RSRP1: variants seen among roughly 807,000 people sequenced by gnomAD.
RSRP1 encodes arginine/serine-rich protein 1.
RSRP1 carries 37 observed loss-of-function variants against 33.0 expected under a neutral mutation model. That is an observed-to-expected ratio of 1.12 (90% CI 0.86 to 1.48). The LOEUF (loss-of-function observed/expected upper bound fraction) is 1.48. RSRP1 is among the 40% of genes most tolerant of loss of function. RSRP1 has a pLI of 0.00. For synonymous variants in RSRP1, 167 were observed against 158.7 expected, an observed-to-expected ratio of 1.05 and a Z score of -0.40; for missense variants, 402 against 385.3, an observed-to-expected ratio of 1.04 and a Z score of -0.36.
rs1394965802 is a variant in RSRP1 at position 25,307,657 on chromosome 1, T to G, written c.-67+30321A>C. 2.4e-6 allele frequency: 3 copies of G among 1,263,884 alleles called. No homozygotes were observed. In the South Asian group the frequency reaches 3.9e-5, roughly 16 times the overall value. 78.3% of individuals were successfully genotyped at this position (1,263,884 alleles called of 1,614,324 possible). A position where few individuals can be genotyped will look rare whatever the true frequency, so the allele number is the denominator to read the frequency against. ...AGTTATCTGCCCAAGGTCACTCGGC[T>G]GGAACCTGGCTGTAAAAATGGCTGA... On this transcript the variant is annotated intron_variant, in intron 1 of 1. Coordinates refer to the RSRP1 transcript ENST00000561867.
intron 1 of RSRP1, chr1:25,301,697 C>A (rs200866363): frequency 1.5e-6 from 2 of 1,377,042 alleles, no homozygotes; most frequent in South Asian, 2.4e-5. Context: ...GTGAGCAGGG[C>A]GCTGCCCTTG....
intron 1 of RSRP1, among the ~76,000 whole-genome samples, chr1:25,315,501 C>CT (rs1189263980): frequency 0.051 from 5,816 of 114,094 alleles, 996 homozygotes; most frequent in African/African-American, 0.15. Context: ...TTCTTTCTTT[C>CT]TTTTTTTTTT....
rs752416109 is a variant in RSRP1, at chr1:25,246,501, T to A, written c.463A>T (p.Arg155Trp). 1.2e-5 allele frequency: 19 copies of A among 1,614,096 alleles called. No individual in the cohort carries two copies. In the East Asian group the frequency reaches 4.2e-4, roughly 36 times the overall value. ...CGCGACCTCGTCCTGGATCTGTCCC[T>A]CCATCTGCTGTGCTCCTCCGGGTAC... ...TVYPEEHSRW[R>W]DRSRTRSRSR... Residue 155 changes from arginine (R) to tryptophan (W), a missense_variant, in exon 2 of 5, where the codon AGG (arginine) becomes TGG (tryptophan). By Grantham distance (101) the Arg-to-Trp change is moderately radical. Transcript: ENST00000243189.
chr1:25,299,296 C>T lies in RSRP1; in HGVS notation c.-67+38682G>A, dbSNP rs181091305. Among the ~76,000 whole-genome samples the T allele has an allele frequency of 2.3e-5, 3 of 130,168 alleles. 1 individual carries two copies. The highest frequency in any genetic ancestry group is 5.4e-5 in the Non-Finnish European group (3 of 55,370). 85.4% of individuals were successfully genotyped at this position (130,168 alleles called of 152,430 possible). ...ACTTGGGAGGCTGAAGCAGGAGAAT[C>T]GCTTGAACCCAACGGGTGGAGGTTG... is the stretch of plus-strand genomic sequence containing the variant. On this transcript the variant is annotated intron_variant, in intron 1 of 1. Transcript: ENST00000561867.
chr1:25,312,069 G>C (rs2124037064), intron 1 of RSRP1, among the ~76,000 whole-genome samples: 1 of 102,936 alleles, frequency 9.7e-6, no homozygotes, highest in African/African-American at 3.4e-5. Flanking sequence ...TGCAACATGG[G>C]CAGAACCCAG....
upstream of RSRP1, among the ~76,000 whole-genome samples, chr1:25,248,557 G>A (rs898978313): frequency 3.3e-5 from 5 of 152,040 alleles, no homozygotes; most frequent in African/African-American, 9.7e-5. Context: ...CGATTCTTCC[G>A]CCTCAGCCTC....
In RSRP1 at chr1:25,268,583, A is replaced by T. The variant is rs989610320; in HGVS notation, c.-66-21554T>A. Among the ~76,000 whole-genome samples, 2 of 131,540 alleles carry T rather than the reference A, an allele frequency of 1.5e-5. 1 individual carries two copies. The highest frequency in any genetic ancestry group is 3.6e-5 in the Non-Finnish European group (2 of 55,592). 86.3% of individuals were successfully genotyped at this position (131,540 alleles called of 152,430 possible). A position where few individuals can be genotyped will look rare whatever the true frequency, so the allele number is the denominator to read the frequency against. ...AGATGCTAGTAAGTGCTGTGAAGGAAACTAAAAGGGGAACACAAGGAACCC... is the reference window on the plus strand; with the variant it reads ...AGATGCTAGTAAGTGCTGTGAAGGATACTAAAAGGGGAACACAAGGAACCC... On this transcript the variant is annotated intron_variant, in intron 1 of 1. Transcript: ENST00000561867.
chr1:25,255,640 C>T (rs570999957), intron 1 of RSRP1, among the ~76,000 whole-genome samples: 3 of 152,206 alleles, frequency 2.0e-5, no homozygotes, highest in Admixed American at 6.5e-5. Context: ...ATTATTATTA[C>T]ATTGTAATAT....
intron 1 of RSRP1, chr1:25,306,537 G>C (rs1010845358): frequency 1.5e-6 from 2 of 1,346,380 alleles, no homozygotes; most frequent in African/African-American, 2.9e-5. Context: ...GTGTGAAAGG[G>C]GTGGGTAGGG....
intron 1 of RSRP1, among the ~76,000 whole-genome samples, chr1:25,272,155 A>G (rs1450939958): frequency 8.3e-6 from 1 of 120,544 alleles, no homozygotes; most frequent in African/African-American, 2.7e-5. Flanking sequence ...CAGTTTCCTT[A>G]TTCATAAAAT....
chr1:25,255,052 C>T (rs1281398698), intron 1 of RSRP1, among the ~76,000 whole-genome samples: 1 of 152,180 alleles, frequency 6.6e-6, no homozygotes, highest in Middle Eastern at 3.2e-3. Context: ...CCATCTCAAC[C>T]ATACCCACCT....
intron 3 of RSRP1, chr1:25,244,492 A>C: frequency 2.3e-6 from 3 of 1,289,372 alleles, no homozygotes; most frequent in Non-Finnish European, 3.0e-6. Flanking sequence ...GACCACATTC[A>C]TGATTTCTAT....
chr1:25,330,209 G>A (rs1644972851), intron 1 of RSRP1: 1 of 132,946 alleles, frequency 7.5e-6, no homozygotes, highest in Non-Finnish European at 1.8e-5. Context: ...TTGCCAAACA[G>A]GATGTGGAAA....
Position 25,303,216 on chromosome 1 carries a change from G to A in RSRP1, c.-67+34762C>T, listed in dbSNP as rs1340611883. 42 of 1,020,718 alleles carry A rather than the reference G, an allele frequency of 4.1e-5. 11 individuals are homozygous for A. The highest frequency in any genetic ancestry group is 6.0e-5 in the Non-Finnish European group (40 of 667,130). 63.2% of individuals were successfully genotyped at this position (1,020,718 alleles called of 1,614,324 possible). ...AGTGGTTTCAGGATCAGCAAAGCAG[G>A]GAGGATGTTACAGGGTTGCCTTGTT... On this transcript the variant is annotated intron_variant, in intron 1 of 1. Transcript: ENST00000561867.
At chr1:25,276,401 T>C (rs1432339612) in intron 1 of RSRP1, among the ~76,000 whole-genome samples, 2 of 119,860 alleles carry the variant, frequency 1.7e-5, no homozygotes, top group African/African-American at 6.2e-5. Flanking sequence ...CTTTAAAAGT[T>C]CTGTAATAGT....
chr1:25,277,760 C>T (rs576498315), intron 1 of RSRP1, among the ~76,000 whole-genome samples: 2 of 120,868 alleles, frequency 1.7e-5, no homozygotes, highest in African/African-American at 5.6e-5. Context: ...CCGCAACCTC[C>T]ACCTCCCAGG....
In RSRP1 at chr1:25,274,921, C is replaced by G. The variant is rs1350627657; in HGVS notation, c.-66-27892G>C. Among the ~76,000 whole-genome samples, 2 of 131,452 alleles carry G rather than the reference C, an allele frequency of 1.5e-5. 1 individual carries two copies. Among genetic ancestry groups the G allele is most frequent in the Admixed American group, 1.5e-4 (2 of 13,446 alleles). 86.2% of individuals were successfully genotyped at this position (131,452 alleles called of 152,430 possible). A position where few individuals can be genotyped will look rare whatever the true frequency, so the allele number is the denominator to read the frequency against. ...ACTTGGGAGGCCATTACACTCCAGC[C>G]TGGGCGCCAGAGTGAGACTTCATCT... On this transcript the variant is annotated intron_variant, in intron 1 of 1. Coordinates refer to the RSRP1 transcript ENST00000561867.
chr1:25,245,326 A>C (rs757397063), intron 2 of RSRP1, 25 bp from the exon 3 acceptor site: 3 of 1,590,882 alleles, frequency 1.9e-6, no homozygotes, highest in African/African-American at 1.3e-5. Context: ...GAGAGATTTT[A>C]AAATACTCAT....
chr1:25,321,938 T>A lies in RSRP1; in HGVS notation c.-67+16040A>T, dbSNP rs759513820. ...GGAAAGCACCTCATGAGGCTAAATA[T>A]TTTGATGACCAAGTTTTCTGGAAGG... On this transcript the variant is annotated intron_variant, in intron 1 of 1. Coordinates refer to the RSRP1 transcript ENST00000561867. 4.5e-6 allele frequency: 6 copies of A among 1,335,102 alleles called. 1 individual carries two copies. Among genetic ancestry groups the A allele is most frequent in the South Asian group, 2.4e-5 (2 of 84,228 alleles). The allele number at this position is 1,335,102 out of a possible 1,614,324, so 82.7% of individuals were successfully genotyped here.
Sources: allele counts gnomAD v4.1 joint callset (sites outside exome capture counted in the v4.1 genomes callset), GRCh38; gene constraint gnomAD v4.1.1; transcripts MANE v1.5; gene names NCBI Gene and HGNC (gene_info 2026-07-23, HGNC 2026-07-21).